Variants in MYOF observed in about 807,000 individuals in gnomAD.
MYOF encodes fer-1-like 3, myoferlin.
Under a neutral mutation model 284.2 loss-of-function variants are expected in MYOF, and 244 were observed. The ratio of observed to expected loss-of-function variants is 0.86; its 90% CI spans 0.77 to 0.95. MYOF has a LOEUF of 0.95. Among genes scored for constraint, MYOF ranks in the 40% least tolerant of loss-of-function variants. The pLI is 0.00. For missense variants in MYOF, 2,496 were observed against 2,560.6 expected, an observed-to-expected ratio of 0.97 and a Z score of 0.54; for synonymous variants, 904 against 919.7, an observed-to-expected ratio of 0.98 and a Z score of 0.31.
chr10:93,377,895 G>T (rs1845911136), intron 21 of MYOF, among the ~76,000 whole-genome samples: 1 of 152,168 alleles, frequency 6.6e-6, no homozygotes, highest in Non-Finnish European at 1.5e-5. Flanking sequence ...AAACCTTGTG[G>T]TATTGGACTG....
intron 22 of MYOF, among the ~76,000 whole-genome samples, chr10:93,376,789 G>T (rs1010828850): frequency 2.0e-5 from 3 of 152,154 alleles, no homozygotes; most frequent in African/African-American, 7.2e-5. Flanking sequence ...TGAAAGGTCC[G>T]CTGGTTCAAG....
At chr10:93,317,718 T>C (rs1013313728) in intron 49 of MYOF, among the ~76,000 whole-genome samples, 4 of 152,170 alleles carry the variant, frequency 2.6e-5, no homozygotes, top group African/African-American at 4.8e-5. Context: ...TAGAGGTAGG[T>C]TGAAGGAAGA....
chr10:93,360,106 G>C (rs1341406936), intron 28 of MYOF, 128 bp from the exon 29 acceptor site: 1 of 1,160,974 alleles, frequency 8.6e-7, no homozygotes. Flanking sequence ...CCGAATATGT[G>C]GCTGTTTTCA....
intron 3 of MYOF, among the ~76,000 whole-genome samples, chr10:93,438,104 C>T (rs560211613): frequency 5.9e-5 from 9 of 152,264 alleles, no homozygotes; most frequent in African/African-American, 1.7e-4. Flanking sequence ...CCATCCCCCA[C>T]GTGATGTCCT....
At chr10:93,355,855 G>A (rs974580911) in intron 30 of MYOF, 119 bp from the exon 31 acceptor site, 12 of 677,244 alleles carry the variant, frequency 1.8e-5, no homozygotes, top group Non-Finnish European at 2.8e-5. Flanking sequence ...AGATGTTATC[G>A]TGCAAACACC....
chr10:93,390,886 T>C (rs974473526), intron 17 of MYOF, among the ~76,000 whole-genome samples: 1 of 151,332 alleles, frequency 6.6e-6, no homozygotes, highest in South Asian at 2.1e-4. Flanking sequence ...TATGGCACCA[T>C]AGTCATGTCA....
Position 93,418,204 on chromosome 10 carries a change from A to G in MYOF, c.433+7867T>C, listed in dbSNP as rs367633801. ...ACTTTGAGCCAAAGGTCATTGCCCA[A>G]GCACAACAAAGGGCTGATATCATAT... On this transcript the variant is annotated intron_variant, in intron 5 of 53. Transcript: ENST00000359263. 1.6e-4 allele frequency among the ~76,000 whole-genome samples: 24 copies of G among 152,346 alleles called. No homozygotes were observed. The East Asian group carries it at 2.7e-3, about 17-fold the overall frequency.
chr10:93,332,803 C>T (rs768247498), intron 43 of MYOF, among the ~76,000 whole-genome samples: 23 of 151,940 alleles, frequency 1.5e-4, no homozygotes, highest in Non-Finnish European at 2.5e-4. Flanking sequence ...GCCGAGATCA[C>T]GCCACTGCAC....
intron 3 of MYOF, among the ~76,000 whole-genome samples, chr10:93,444,334 G>A (rs1336643398): frequency 6.6e-6 from 1 of 152,228 alleles, no homozygotes; most frequent in Non-Finnish European, 1.5e-5. Context: ...GAACAAGAGT[G>A]ACATGGAGTT....
chr10:93,428,420 G>C (rs1170952854), intron 4 of MYOF, among the ~76,000 whole-genome samples: 1 of 151,484 alleles, frequency 6.6e-6, no homozygotes, highest in Admixed American at 6.6e-5. Context: ...TGGCCAGGCT[G>C]GTCTCAAACT....
In MYOF at chr10:93,379,979, A is replaced by T. The variant is rs775276108; in HGVS notation, c.1885T>A (p.Tyr629Asn). ...YSRAVFDGNY[Y>N]YYLPWAHTKP... ...GTGTGGGCCCAAGGCAAGTAATAAT[A>T]GTAGTTGCCTGGTATAAAACATTGG... The change falls in exon 21 of 54, where the codon TAT becomes AAT. Residue 629 changes from tyrosine to asparagine, a missense_variant. Transcript: ENST00000359263. 3.7e-5 allele frequency: 59 copies of T among 1,613,566 alleles called. 1 individual carries two copies. The highest frequency in any genetic ancestry group is 4.6e-5 in the Non-Finnish European group (54 of 1,179,648).
chr10:93,334,226 G>A (rs1331500263), intron 41 of MYOF, among the ~76,000 whole-genome samples: 2 of 152,086 alleles, frequency 1.3e-5, no homozygotes, highest in Non-Finnish European at 2.9e-5. Context: ...TTTGAAGATA[G>A]GAATAACAAT....
chr10:93,437,754 G>A (rs1849194966), intron 3 of MYOF, among the ~76,000 whole-genome samples: 1 of 152,096 alleles, frequency 6.6e-6, no homozygotes, highest in Non-Finnish European at 1.5e-5. Flanking sequence ...ATTTTGGCAG[G>A]CCTATGGCCC....
rs748122115 is a variant in MYOF at position 93,351,767 on chromosome 10, G to T, written c.3561C>A (p.Asp1187Glu). The stretch of plus-strand genomic sequence containing the variant: ...CAACTTCATCGAATATAATTGTTTG[G>T]TCCCACGTGGGATTCAGGGTTGAAT... Reference protein sequence around the residue: ...IIHSTLNPTWDQTIIFDEVEI... With the variant: ...IIHSTLNPTWEQTIIFDEVEI... Residue 1187 changes from aspartate to glutamate, a missense_variant, in exon 33 of 54, where the codon GAC becomes GAA. Asp to Glu is a conservative substitution (Grantham distance 45). Around this residue, in one of 3 missense-constraint regions of MYOF, gnomAD observed 2,436 missense variants for 2,480.7 expected, o/e 0.98. Transcript: ENST00000359263. The T allele has an allele frequency of 1.2e-6, 2 of 1,601,800 alleles. No homozygotes were observed. Among genetic ancestry groups the T allele is most frequent in the Admixed American group, 1.8e-5 (1 of 55,850 alleles).
Position 93,310,106 on chromosome 10 carries a change from A to C in MYOF, c.6061T>G (p.Trp2021Gly), listed in dbSNP as rs761410156. 25 of 1,614,066 alleles carry C rather than the reference A, an allele frequency of 1.5e-5. No homozygotes were observed. The highest frequency in any genetic ancestry group is 1.9e-5 in the Non-Finnish European group (22 of 1,180,036). The change falls in exon 53 of 54, where the codon TGG (tryptophan) becomes GGG (glycine). Residue 2021 changes from tryptophan to glycine, a missense_variant. Trp to Gly is a radical substitution (Grantham distance 184). Coordinates refer to ENST00000359263, the MANE Select transcript of MYOF (RefSeq NM_013451.4). ...ATGATGACCCACTTAAAGCGGCGCC[A>C]CACGATGAACTTCATGGTCTTGCAT... The part of the protein sequence containing the change: ...NPCKTMKFIV[W>G]RRFKWVIIGL...
intron 1 of MYOF, among the ~76,000 whole-genome samples, chr10:93,459,987 A>G (rs528905619): frequency 6.6e-6 from 1 of 152,242 alleles, no homozygotes; most frequent in South Asian, 2.1e-4. Flanking sequence ...CCTTCAAGAG[A>G]GAAGATAGGA....
chr10:93,459,470 T>C (rs1444613939), intron 1 of MYOF, among the ~76,000 whole-genome samples: 1 of 152,230 alleles, frequency 6.6e-6, no homozygotes, highest in Non-Finnish European at 1.5e-5. Flanking sequence ...TTCCCATTTC[T>C]AAGCCAAGAA....
chr10:93,388,657 C>T (rs1418133632), intron 18 of MYOF, among the ~76,000 whole-genome samples: 3 of 152,182 alleles, frequency 2.0e-5, no homozygotes, highest in Non-Finnish European at 4.4e-5. Context: ...GCTTCCATGT[C>T]TTCATCTATG....
At chr10:93,414,877 G>C (rs1402157680) in intron 5 of MYOF, among the ~76,000 whole-genome samples, 1 of 152,100 alleles carries the variant, frequency 6.6e-6, no homozygotes, top group East Asian at 2.0e-4. Context: ...CTGAGTAGCT[G>C]GGATTACAGG....
Sources: allele counts gnomAD v4.1 joint callset (sites outside exome capture counted in the v4.1 genomes callset), GRCh38; gene constraint gnomAD v4.1.1; regional missense constraint gnomAD v4.1.1; transcripts MANE v1.5; gene names NCBI Gene and HGNC (gene_info 2026-07-23, HGNC 2026-07-21).